Variants in CAPZB observed in about 807,000 individuals in gnomAD.
The protein encoded by CAPZB is F-actin-capping protein subunit beta.
CAPZB carries 2 observed loss-of-function variants against 38.1 expected under a neutral mutation model. The ratio of observed to expected loss-of-function variants is 0.05; its 90% confidence interval spans 0.02 to 0.17. CAPZB has a LOEUF of 0.17. Ranked by LOEUF, CAPZB falls within the 10% of genes least tolerant of loss-of-function variation. The pLI is 1.00. For missense variants in CAPZB, 161 were observed against 334.2 expected (o/e 0.48, Z 4.04); for synonymous variants, 107 against 127.4 (o/e 0.84, Z 1.08).
At chr1:19,384,303 A>G (rs2094192828) in intron 3 of CAPZB, among the ~76,000 whole-genome samples, 1 of 151,662 alleles carries the variant, frequency 6.6e-6, no homozygotes, top group African/African-American at 2.4e-5. Flanking sequence ...CATCCTGGTG[A>G]GCTCATCACC....
chr1:19,472,482 C>A (rs1172228598), intron 1 of CAPZB, among the ~76,000 whole-genome samples: 1 of 152,106 alleles, frequency 6.6e-6, no homozygotes, highest in Non-Finnish European at 1.5e-5. Context: ...AGTGTGAACA[C>A]CAGCTTAGCC....
chr1:19,398,536 G>A (rs2094285163), intron 2 of CAPZB, among the ~76,000 whole-genome samples: 1 of 152,198 alleles, frequency 6.6e-6, no homozygotes, highest in African/African-American at 2.4e-5. Context: ...GGGAGCGGGT[G>A]CTAAGGCAGA....
chr1:19,474,065 G>T (rs557939722), intron 1 of CAPZB, among the ~76,000 whole-genome samples: 23 of 151,606 alleles, frequency 1.5e-4, no homozygotes, highest in African/African-American at 5.3e-4. Flanking sequence ...ATGTGATCTC[G>T]GCTCACTGCA....
chr1:19,465,446 A>G (rs901557845), intron 1 of CAPZB, among the ~76,000 whole-genome samples: 3 of 152,192 alleles, frequency 2.0e-5, no homozygotes, highest in Non-Finnish European at 4.4e-5. Flanking sequence ...TGTTGTGTAC[A>G]AATTATTCAG....
chr1:19,380,916 T>C (rs1380373394), intron 3 of CAPZB, among the ~76,000 whole-genome samples: 1 of 152,020 alleles, frequency 6.6e-6, no homozygotes, highest in East Asian at 1.9e-4. Flanking sequence ...ACACCTGCAA[T>C]CCCAGCACCT....
chr1:19,403,522 C>G (rs2094314340), intron 2 of CAPZB, among the ~76,000 whole-genome samples: 1 of 152,226 alleles, frequency 6.6e-6, no homozygotes, highest in African/African-American at 2.4e-5. Context: ...GAGGAAGGGG[C>G]AGGGCCAGAT....
At chr1:19,376,359 A>G (rs2094144548) in intron 4 of CAPZB, among the ~76,000 whole-genome samples, 1 of 152,198 alleles carries the variant, frequency 6.6e-6, no homozygotes, top group African/African-American at 2.4e-5. Flanking sequence ...GGCAGGCTGT[A>G]TTCCTGGAGT....
In CAPZB at chr1:19,339,385, G is replaced by A; in HGVS notation, c.*145C>T. ...GGTGGCTATCGGCTTTATTCTCAGG[G>A]AGAGATGGCGCTGTGCGGTCAATGA... On this transcript the variant is annotated 3_prime_UTR_variant, in exon 9 of 9. Transcript: ENST00000264202. 4.2e-6 allele frequency: 3 copies of A among 708,310 alleles called. No individual in the cohort carries two copies. Among genetic ancestry groups the A allele is most frequent in the Non-Finnish European group, 7.6e-6 (3 of 392,172 alleles). The allele number at this position is 708,310 out of a possible 1,614,324, so 43.9% of individuals were successfully genotyped here.
intron 2 of CAPZB, among the ~76,000 whole-genome samples, chr1:19,406,292 C>T (rs2094331682): frequency 6.6e-6 from 1 of 152,180 alleles, no homozygotes; most frequent in Admixed American, 6.5e-5. Flanking sequence ...TGGAACCCAA[C>T]GCACCCCTCC....
intron 4 of CAPZB, among the ~76,000 whole-genome samples, chr1:19,377,011 G>A (rs927940952): frequency 8.5e-5 from 13 of 152,280 alleles, no homozygotes; most frequent in Admixed American, 3.9e-4. Context: ...AATACCTGGA[G>A]GCCCACTTGC....
At chr1:19,432,056 A>AGAAAAAAAAAG (rs140874722) in intron 1 of CAPZB, among the ~76,000 whole-genome samples, 1 of 86,012 alleles carries the variant, frequency 1.2e-5, no homozygotes, top group Non-Finnish European at 2.7e-5. Context: ...AAAAAAAAAA[A>AGAAAAAAAAAG]AAAAAAAAAG....
intron 2 of CAPZB, among the ~76,000 whole-genome samples, chr1:19,419,320 C>A (rs543041212): frequency 6.6e-6 from 1 of 152,142 alleles, no homozygotes; most frequent in Admixed American, 6.5e-5. Context: ...GTCTGGCCTG[C>A]GTGCACTGCT....
At chr1:19,425,017 G>T (rs907830200) in intron 1 of CAPZB, among the ~76,000 whole-genome samples, 5 of 152,180 alleles carry the variant, frequency 3.3e-5, no homozygotes, top group African/African-American at 1.2e-4. Context: ...GACAGAGAAG[G>T]TACAAAGAGA....
intron 3 of CAPZB, among the ~76,000 whole-genome samples, chr1:19,385,000 A>C (rs2094195924): frequency 6.6e-6 from 1 of 152,096 alleles, no homozygotes; most frequent in African/African-American, 2.4e-5. Flanking sequence ...CAGGGCAGGG[A>C]CTAATGTCAA....
rs1213953204 is a variant in CAPZB, at chr1:19,357,356, C to T, written c.471+66G>A. 1.3e-5 allele frequency: 19 copies of T among 1,441,714 alleles called. No individual in the cohort carries two copies. In the Admixed American group the frequency reaches 1.7e-4, roughly 13 times the overall value. The allele number at this position is 1,441,714 out of a possible 1,614,324, so 89.3% of individuals were successfully genotyped here. On this transcript the variant is annotated intron_variant, in intron 5 of 8. Coordinates refer to ENST00000264202, the MANE Select transcript of CAPZB (RefSeq NM_004930.5). This position sits in a 1 kb window ranked among gnomAD's most constrained non-coding sequence, Gnocchi z 4.3. ...CCCTACTGCATCTGTTAGAGAGCAGCGCGGCACTGGTTGGTGTGCCATCTG... is the reference window on the plus strand; with the variant it reads ...CCCTACTGCATCTGTTAGAGAGCAGTGCGGCACTGGTTGGTGTGCCATCTG...
chr1:19,484,610 A>T (rs2094644160), intron 1 of CAPZB: 1 of 1,198,626 alleles, frequency 8.3e-7, no homozygotes, highest in East Asian at 5.5e-5. Context: ...TCCCTGATGG[A>T]GAGCTCCCCT....
At chr1:19,461,542 C>G (rs1429344845) in intron 1 of CAPZB, among the ~76,000 whole-genome samples, 1 of 152,264 alleles carries the variant, frequency 6.6e-6, no homozygotes, top group Non-Finnish European at 1.5e-5. Flanking sequence ...TCCACGCATG[C>G]TTCCTGCTCA....
chr1:19,351,844 G>A (rs2093993331), intron 6 of CAPZB, among the ~76,000 whole-genome samples: 2 of 152,180 alleles, frequency 1.3e-5, no homozygotes, highest in Admixed American at 1.3e-4. Context: ...CCTCCTGCCA[G>A]GGATCTCCGG....
At chr1:19,480,705 T>C (rs2094625089) in intron 1 of CAPZB, among the ~76,000 whole-genome samples, 1 of 152,092 alleles carries the variant, frequency 6.6e-6, no homozygotes, top group South Asian at 2.1e-4. Flanking sequence ...GCCTGACATA[T>C]AGCATGAGGC....
Sources: allele counts gnomAD v4.1 joint callset (sites outside exome capture counted in the v4.1 genomes callset), GRCh38; gene constraint gnomAD v4.1.1; non-coding constraint Gnocchi (gnomAD v3.1); transcripts MANE v1.5; gene names NCBI Gene and HGNC (gene_info 2026-07-23, HGNC 2026-07-21).